The following DENND1A variants were observed in gnomAD, a reference collection of about 807,000 sequenced individuals.
DENND1A encodes the protein DENN domain containing 1A.
A neutral mutation model predicts 113.7 loss-of-function variants in DENND1A; 51 were observed. The observed-to-expected ratio is 0.45, with a 90% CI of 0.36 to 0.57. The LOEUF is 0.57. Ranked by LOEUF, DENND1A falls within the 20% of genes least tolerant of loss-of-function variation. DENND1A has a pLI of 0.00. For synonymous variants in DENND1A, 565 were observed against 570.8 expected, an observed-to-expected ratio of 0.99 and a Z score of 0.14; for missense variants, 1,258 against 1,395.9, an observed-to-expected ratio of 0.90 and a Z score of 1.57.
chr9:123,896,326 CAAACAAAA>C (rs900605057), intron 1 of DENND1A, among the ~76,000 whole-genome samples: 15 of 149,596 alleles, frequency 1.0e-4, no homozygotes, highest in African/African-American at 2.7e-4. Flanking sequence ...AACAAACAAA[CAAACAAAA>C]AAAAAAAACC....
intron 19 of DENND1A, among the ~76,000 whole-genome samples, chr9:123,416,662 G>C (rs142910059): frequency 1.9e-4 from 29 of 152,354 alleles, no homozygotes; most frequent in African/African-American, 6.3e-4. Context: ...CACTTCCCGA[G>C]CTGGGCCAGG....
intron 10 of DENND1A, among the ~76,000 whole-genome samples, chr9:123,615,172 T>A (rs910639989): frequency 4.6e-5 from 7 of 152,172 alleles, no homozygotes; most frequent in African/African-American, 1.7e-4. Flanking sequence ...GACTGCAAAT[T>A]TGCCAAGAGC....
At chr9:123,898,822 C>A (rs1402509723) in intron 1 of DENND1A, among the ~76,000 whole-genome samples, 1 of 152,134 alleles carries the variant, frequency 6.6e-6, no homozygotes, top group Non-Finnish European at 1.5e-5. Context: ...TTGACAGCAC[C>A]TTATCATTAG....
intron 12 of DENND1A, among the ~76,000 whole-genome samples, chr9:123,575,275 G>T (rs2058574504): frequency 1.3e-5 from 2 of 152,122 alleles, no homozygotes; most frequent in Non-Finnish European, 2.9e-5. Flanking sequence ...TCACAACAGG[G>T]TTCATGGTCC....
intron 3 of DENND1A, among the ~76,000 whole-genome samples, chr9:123,785,882 G>A (rs889229180): frequency 1.3e-5 from 2 of 152,126 alleles, no homozygotes; most frequent in Non-Finnish European, 2.9e-5. Flanking sequence ...TTGGGCAAGA[G>A]GTTGAAAAAC....
chr9:123,754,998 T>C (rs2070394600), intron 5 of DENND1A, among the ~76,000 whole-genome samples: 1 of 152,078 alleles, frequency 6.6e-6, no homozygotes, highest in Non-Finnish European at 1.5e-5. Context: ...CCCAAACATA[T>C]TATAGAGAAA....
At chr9:123,588,618 C>T (rs931618953) in intron 11 of DENND1A, among the ~76,000 whole-genome samples, 2 of 82,528 alleles carry the variant, frequency 2.4e-5, no homozygotes, top group Admixed American at 1.9e-4. Flanking sequence ...GAAACTCCAT[C>T]TCAAAAAAAA....
chr9:123,472,294 A>C (rs2049490631), intron 13 of DENND1A, among the ~76,000 whole-genome samples: 1 of 152,058 alleles, frequency 6.6e-6, no homozygotes, highest in East Asian at 1.9e-4. Context: ...AAAACCAAGG[A>C]CCAGGAAGAA....
intron 13 of DENND1A, among the ~76,000 whole-genome samples, chr9:123,517,549 G>T (rs948396802): frequency 6.6e-6 from 1 of 151,698 alleles, no homozygotes; most frequent in African/African-American, 2.4e-5. Context: ...AACCCAGGAG[G>T]GGGAGGTTGC....
rs559328419 is a variant in DENND1A at position 123,779,756 on chromosome 9, C to A, written c.133-10193G>T. Among the ~76,000 whole-genome samples the A allele has an allele frequency of 3.9e-5, 6 of 152,260 alleles. No homozygotes were observed. The East Asian group carries it at 1.2e-3, about 29-fold the overall frequency. On this transcript the variant is annotated intron_variant, in intron 3 of 23. Coordinates refer to ENST00000394215, the MANE Select transcript of DENND1A (RefSeq NM_001352964.2). ...CTCAAGCGATTCACCCACTTCTGCT[C>A]CTTGGCACATTCAAGGAACTGAAAA...
intron 2 of DENND1A, among the ~76,000 whole-genome samples, chr9:123,833,948 C>A (rs188030153): frequency 6.6e-6 from 1 of 152,040 alleles, no homozygotes; most frequent in African/African-American, 2.4e-5. Context: ...CCCAGCTACT[C>A]GGGAGGCTGA....
At chr9:123,434,034 T>C (rs532980093) in intron 19 of DENND1A, among the ~76,000 whole-genome samples, 36 of 152,338 alleles carry the variant, frequency 2.4e-4, no homozygotes, top group African/African-American at 6.5e-4. Context: ...GGAAACAAAA[T>C]CCTTTTTTTT....
chr9:123,514,836 A>G (rs1012958320), intron 13 of DENND1A, among the ~76,000 whole-genome samples: 1 of 152,204 alleles, frequency 6.6e-6, no homozygotes, highest in Non-Finnish European at 1.5e-5. Context: ...AGTAGGAATG[A>G]GTATACCTGG....
intron 13 of DENND1A, among the ~76,000 whole-genome samples, chr9:123,515,376 C>G (rs1482552066): frequency 6.6e-6 from 1 of 152,146 alleles, no homozygotes; most frequent in Admixed American, 6.5e-5. Context: ...AGAGAATGTC[C>G]TATCTTCTTA....
intron 2 of DENND1A, among the ~76,000 whole-genome samples, chr9:123,815,881 A>G (rs1395977459): frequency 6.6e-6 from 1 of 152,122 alleles, no homozygotes; most frequent in East Asian, 1.9e-4. Context: ...AACTGCTATA[A>G]TAACTCAAAA....
At chr9:123,489,728 G>A (rs906909740) in intron 13 of DENND1A, among the ~76,000 whole-genome samples, 2 of 152,188 alleles carry the variant, frequency 1.3e-5, no homozygotes, top group South Asian at 2.1e-4. Context: ...TCAGTGGGAC[G>A]AGGCTACTTT....
At chr9:123,878,898 G>A in intron 2 of DENND1A, 53 bp downstream of exon 2, 2 of 1,559,958 alleles carry the variant, frequency 1.3e-6, no homozygotes, top group Non-Finnish European at 1.8e-6. Flanking sequence ...CACGTGCATA[G>A]CTATCTCAAA....
intron 3 of DENND1A, among the ~76,000 whole-genome samples, chr9:123,774,151 AT>A (rs112229397): frequency 2.0e-5 from 3 of 152,004 alleles, no homozygotes; most frequent in East Asian, 1.9e-4. Context: ...CCTATGTTTA[AT>A]TTTTTTTAAT....
intron 1 of DENND1A, among the ~76,000 whole-genome samples, chr9:123,922,089 C>T (rs908241960): frequency 2.0e-5 from 3 of 152,080 alleles, no homozygotes; most frequent in Admixed American, 6.6e-5. Context: ...CATGCCACCA[C>T]ACCTGGCTAA....
Sources: allele counts gnomAD v4.1 joint callset (sites outside exome capture counted in the v4.1 genomes callset), GRCh38; gene constraint gnomAD v4.1.1; transcripts MANE v1.5; gene names NCBI Gene and HGNC (gene_info 2026-07-23, HGNC 2026-07-21).